Variants in SRP54 observed in about 807,000 individuals in gnomAD.
The protein encoded by SRP54 is signal recognition particle subunit SRP54.
SRP54 carries 10 observed loss-of-function variants against 64.8 expected under a neutral mutation model. The observed-to-expected ratio is 0.15, with a 90% CI of 0.10 to 0.26. SRP54 has a LOEUF of 0.26. Ranked by LOEUF, SRP54 falls within the 10% of genes least tolerant of loss-of-function variation. The pLI, the probability that SRP54 is intolerant of heterozygous loss-of-function variation, is 1.00. For synonymous variants in SRP54, 193 were observed against 185.6 expected, an observed-to-expected ratio of 1.04 and a Z score of -0.32; for missense variants, 325 against 613.7, an observed-to-expected ratio of 0.53 and a Z score of 4.97.
At chr14:34,986,972 A>G (rs917682606) in intron 1 of SRP54, among the ~76,000 whole-genome samples, 4 of 151,500 alleles carry the variant, frequency 2.6e-5, no homozygotes, top group Non-Finnish European at 4.4e-5. Flanking sequence ...GCGGTGGCTT[A>G]AGCCTGTCCC....
chr14:35,022,963 C>G lies in SRP54; in HGVS notation c.1210C>G (p.Gln404Glu), dbSNP rs1398862907. Residue 404 changes from glutamine to glutamate, a missense_variant, in exon 14 of 16, where the codon CAA becomes GAA. Physicochemically the swap from Gln to Glu is conservative, Grantham distance 29. Around this residue, in one of 3 missense-constraint regions of SRP54, gnomAD observed 146 missense variants for 337.4 expected, o/e 0.43. Coordinates refer to ENST00000216774, the MANE Select transcript of SRP54 (RefSeq NM_003136.4). ...KVFSKQPGRIQRVARGSGVST... is the reference protein window; with the variant it reads ...KVFSKQPGRIERVARGSGVST... Reference sequence around the variant, plus strand: ...TTTTAGTAAACAACCAGGAAGAATCCAAAGAGTAGCAAGAGGATCGGGTGT... The same window carrying G: ...TTTTAGTAAACAACCAGGAAGAATCGAAAGAGTAGCAAGAGGATCGGGTGT... The G allele has an allele frequency of 1.9e-6, 3 of 1,613,634 alleles. No homozygotes were observed. Among genetic ancestry groups the G allele is most frequent in the Non-Finnish European group, 2.5e-6 (3 of 1,179,902 alleles).
intron 11 of SRP54, among the ~76,000 whole-genome samples, chr14:35,016,160 A>G (rs2044435433): frequency 6.6e-6 from 1 of 151,884 alleles, no homozygotes; most frequent in Non-Finnish European, 1.5e-5. Flanking sequence ...TCTTTCCTAG[A>G]TCTTCTTATT....
At chr14:35,025,975 G>A (rs889992026) in intron 14 of SRP54, among the ~76,000 whole-genome samples, 2 of 151,096 alleles carry the variant, frequency 1.3e-5, no homozygotes, top group Non-Finnish European at 2.9e-5. Flanking sequence ...AGGATCCCAT[G>A]AGCCCAGGAG....
At chr14:35,027,396 A>G (rs2044649332) in intron 14 of SRP54, among the ~76,000 whole-genome samples, 1 of 152,140 alleles carries the variant, frequency 6.6e-6, no homozygotes, top group Non-Finnish European at 1.5e-5. Context: ...ACCCATGTCT[A>G]TAAACTCAGC....
At chr14:35,021,292 T>C (rs2044525497) in intron 13 of SRP54, among the ~76,000 whole-genome samples, 1 of 152,150 alleles carries the variant, frequency 6.6e-6, no homozygotes, top group Non-Finnish European at 1.5e-5. Flanking sequence ...AGGTGGATAT[T>C]TGTCATCCAG....
chr14:35,003,553 T>G (rs930132932), intron 4 of SRP54, among the ~76,000 whole-genome samples: 5 of 142,708 alleles, frequency 3.5e-5, no homozygotes, highest in East Asian at 2.0e-4. Flanking sequence ...GTTTGTTTTT[T>G]GTTTTTTTGG....
intron 14 of SRP54, among the ~76,000 whole-genome samples, chr14:35,024,794 T>C (rs1411023808): frequency 2.0e-5 from 3 of 152,082 alleles, no homozygotes; most frequent in Non-Finnish European, 2.9e-5. Flanking sequence ...TGGCATGATC[T>C]CAGCTCACTG....
chr14:34,988,582 T>TATATATATATATATATATATAAC (rs1555352771), intron 1 of SRP54, among the ~76,000 whole-genome samples: 67 of 34,974 alleles, frequency 1.9e-3, no homozygotes, highest in African/African-American at 4.3e-3. Flanking sequence ...AAAAAAAATA[T>TATATATATATATATATATATAAC]ATATATATAT....
At chr14:34,983,338 G>A (rs764477319) in intron 1 of SRP54, 123 bp downstream of exon 1, 1 of 148,420 alleles carries the variant, frequency 6.7e-6, no homozygotes, top group Non-Finnish European at 1.5e-5. Context: ...CATCGTTACC[G>A]AGACTGAGTT....
chr14:34,987,418 C>T (rs1229860420), intron 1 of SRP54, among the ~76,000 whole-genome samples: 2 of 151,612 alleles, frequency 1.3e-5, no homozygotes, highest in Non-Finnish European at 2.9e-5. Flanking sequence ...TGAAGAAACC[C>T]CATACCTATT....
chr14:35,026,411 T>A (rs1032067654), intron 14 of SRP54, among the ~76,000 whole-genome samples: 1 of 152,016 alleles, frequency 6.6e-6, no homozygotes, highest in Non-Finnish European at 1.5e-5. Flanking sequence ...TTTTTGTTTT[T>A]TTTGTAGAGA....
At chr14:35,021,623 ACT>A (rs1471432201) in intron 13 of SRP54, among the ~76,000 whole-genome samples, 1 of 148,198 alleles carries the variant, frequency 6.7e-6, no homozygotes, top group African/African-American at 2.5e-5. Context: ...ACAGAGCAAC[ACT>A]CTGTCTCAAA....
At chr14:35,019,953 C>T (rs757429565) in intron 13 of SRP54, among the ~76,000 whole-genome samples, 43 of 152,240 alleles carry the variant, frequency 2.8e-4, no homozygotes, top group Non-Finnish European at 4.3e-4. Flanking sequence ...GAGGCTGAGG[C>T]GGGCGGATCA....
rs1160365086 is a variant in SRP54 at position 34,988,560 on chromosome 14, C to CAAAAAAAAAAA, written c.-34+5354_-34+5364dup. Among the ~76,000 whole-genome samples, 36 of 26,360 alleles carry CAAAAAAAAAAA rather than the reference C, an allele frequency of 1.4e-3. 2 individuals carry two copies. The highest frequency in any genetic ancestry group is 2.7e-3 in the African/African-American group (34 of 12,536). The allele number at this position is 26,360 out of a possible 152,430, so 17.3% of individuals were successfully genotyped here. A position where few individuals can be genotyped will look rare whatever the true frequency, so the allele number is the denominator to read the frequency against. On this transcript the variant is annotated intron_variant, in intron 1 of 15. Transcript: ENST00000216774. The stretch of plus-strand genomic sequence containing the variant: ...CTGGCGACAGAGTGAGACTCCATCT[C>CAAAAAAAAAAA]AAAAAAAAAAAAAAAAAAATATATA...
chr14:35,008,510 G>C, intron 5 of SRP54, 117 bp from the exon 6 acceptor site: 1 of 586,128 alleles, frequency 1.7e-6, no homozygotes, highest in Non-Finnish European at 2.6e-6. Flanking sequence ...ATTTTCAGGA[G>C]AATTATAAGC....
intron 7 of SRP54, 29 bp from the exon 8 acceptor site, chr14:35,011,480 T>C (rs772087562): frequency 1.4e-6 from 2 of 1,391,780 alleles, no homozygotes; most frequent in Admixed American, 5.1e-5. Context: ...TTTTGTCGTT[T>C]TGTTAAATCA....
chr14:35,020,666 G>GT (rs1053926341), intron 13 of SRP54, among the ~76,000 whole-genome samples: 6 of 151,750 alleles, frequency 4.0e-5, no homozygotes, highest in South Asian at 2.1e-4. Context: ...TTTTAAGGTT[G>GT]TTTTTTTTCC....
intron 1 of SRP54, among the ~76,000 whole-genome samples, chr14:34,986,717 C>T (rs1317318434): frequency 6.6e-6 from 1 of 151,612 alleles, no homozygotes; most frequent in Non-Finnish European, 1.5e-5. Flanking sequence ...ATCTCTACTA[C>T]AAATATAAAA....
At chr14:35,019,391 G>A (rs2044491102) in intron 13 of SRP54, 2 of 191,364 alleles carry the variant, frequency 1.0e-5, no homozygotes, top group South Asian at 2.0e-4. Context: ...TTTTTAAAGA[G>A]TTAAATTTGG....
Sources: allele counts gnomAD v4.1 joint callset (sites outside exome capture counted in the v4.1 genomes callset), GRCh38; gene constraint gnomAD v4.1.1; regional missense constraint gnomAD v4.1.1; transcripts MANE v1.5; gene names NCBI Gene and HGNC (gene_info 2026-07-23, HGNC 2026-07-21).